Variants in IMPG2 observed in about 807,000 individuals in gnomAD.
IMPG2 encodes interphotoreceptor matrix proteoglycan 2.
IMPG2 carries 91 observed loss-of-function variants against 129.2 expected under a neutral mutation model. The ratio of observed to expected loss-of-function variants is 0.70; its 90% CI spans 0.59 to 0.84. The LOEUF is 0.84. Among genes scored for constraint, IMPG2 ranks in the 40% least tolerant of loss-of-function variants. IMPG2 has a pLI of 0.00. For missense variants in IMPG2, 1,430 were observed against 1,461.7 expected, an observed-to-expected ratio of 0.98 and a Z score of 0.35; for synonymous variants, 510 against 517.7, an observed-to-expected ratio of 0.99 and a Z score of 0.20.
Position 101,225,695 on chromosome 3 carries a change from A to C in IMPG2, c.*1274T>G, listed in dbSNP as rs1706213981. On this transcript the variant is annotated 3_prime_UTR_variant, in exon 19 of 19. Coordinates refer to ENST00000193391, the MANE Select transcript of IMPG2 (RefSeq NM_016247.4). Reference sequence around the variant, plus strand: ...AGAATTGGTTTTGGCAAGCATGAAGACATCTAGCATAAAGTATCTGCATTA... The same window carrying C: ...AGAATTGGTTTTGGCAAGCATGAAGCCATCTAGCATAAAGTATCTGCATTA... The C allele has an allele frequency of 6.6e-6, 1 of 152,218 alleles. No homozygotes were observed. Among genetic ancestry groups the C allele is most frequent in the Non-Finnish European group, 1.5e-5 (1 of 68,044 alleles). The allele number at this position is 152,218 out of a possible 1,614,324, so 9.4% of individuals were successfully genotyped here.
At chr3:101,317,939 G>A (rs1349556112) in intron 2 of IMPG2, among the ~76,000 whole-genome samples, 1 of 151,434 alleles carries the variant, frequency 6.6e-6, no homozygotes, top group African/African-American at 2.4e-5. Flanking sequence ...ATAAAGTACG[G>A]TGAGACCCCA....
chr3:101,226,561 T>C lies in IMPG2; in HGVS notation c.*408A>G. On this transcript the variant is annotated 3_prime_UTR_variant, in exon 19 of 19. Transcript: ENST00000193391. ...ACAATAACAAATATGCTCCAAAATA[T>C]TCCCTTACTAAGCCAGACTTCTCCA... 1 of 168,408 alleles carries C rather than the reference T, an allele frequency of 5.9e-6. No individual in the cohort carries two copies. The highest frequency in any genetic ancestry group is 1.3e-5 in the Non-Finnish European group (1 of 79,050). The allele number at this position is 168,408 out of a possible 1,614,324, so 10.4% of individuals were successfully genotyped here. A position where few individuals can be genotyped will look rare whatever the true frequency, so the allele number is the denominator to read the frequency against.
chr3:101,265,435 A>T (rs1156742917), intron 9 of IMPG2, among the ~76,000 whole-genome samples: 2 of 152,122 alleles, frequency 1.3e-5, no homozygotes, highest in African/African-American at 2.4e-5. Context: ...TATCAAGAAC[A>T]TATACTGCAG....
chr3:101,307,150 T>C (rs1426576880), intron 2 of IMPG2, among the ~76,000 whole-genome samples: 1 of 152,204 alleles, frequency 6.6e-6, no homozygotes, highest in Non-Finnish European at 1.5e-5. Context: ...CTGTTCACCA[T>C]CATTCATTTT....
intron 14 of IMPG2, among the ~76,000 whole-genome samples, chr3:101,234,440 G>C (rs879510502): frequency 1.3e-5 from 2 of 152,072 alleles, no homozygotes. Context: ...CTCAAGAACT[G>C]TGGGAGAATA....
At chr3:101,319,397 ACCT>A (rs1259102823) in intron 2 of IMPG2, among the ~76,000 whole-genome samples, 184 bp downstream of exon 2, 2 of 152,036 alleles carry the variant, frequency 1.3e-5, no homozygotes, top group African/African-American at 2.4e-5. Flanking sequence ...AAAAAAACAA[ACCT>A]CCTCTCTTAA....
rs191595733 is a variant in IMPG2 at position 101,226,598 on chromosome 3, C to T, written c.*371G>A. On this transcript the variant is annotated 3_prime_UTR_variant, in exon 19 of 19. Transcript: ENST00000193391. Reference sequence around the variant, plus strand: ...GCCAGACTTCTCCATGGAAGAGTCTCACCTTATTTTCCTATTGAAAAACCC... The same window carrying T: ...GCCAGACTTCTCCATGGAAGAGTCTTACCTTATTTTCCTATTGAAAAACCC... The T allele has an allele frequency of 2.9e-4, 60 of 204,716 alleles. No individual in the cohort carries two copies. Among genetic ancestry groups the T allele is most frequent in the Admixed American group, 7.6e-4 (14 of 18,386 alleles). The allele number at this position is 204,716 out of a possible 1,614,324, so 12.7% of individuals were successfully genotyped here.
chr3:101,245,498 G>C (rs906762615), intron 12 of IMPG2, among the ~76,000 whole-genome samples: 1 of 152,112 alleles, frequency 6.6e-6, no homozygotes, highest in Non-Finnish European at 1.5e-5. Context: ...TTTAAGTAAA[G>C]TGGCTCTTTA....
intron 3 of IMPG2, among the ~76,000 whole-genome samples, chr3:101,294,203 G>A (rs1415498149): frequency 1.3e-5 from 2 of 151,990 alleles, no homozygotes; most frequent in African/African-American, 4.8e-5. Flanking sequence ...TTCAAGCCCC[G>A]CATGCATTAG....
At chr3:101,227,726 G>A in intron 18 of IMPG2, 1 of 448,388 alleles carries the variant, frequency 2.2e-6, no homozygotes, top group East Asian at 7.0e-5. Flanking sequence ...GCACCTCCTA[G>A]GAGCCAAGTC....
chr3:101,306,622 T>C (rs1038325743), intron 2 of IMPG2, among the ~76,000 whole-genome samples: 4 of 152,110 alleles, frequency 2.6e-5, no homozygotes, highest in African/African-American at 4.8e-5. Flanking sequence ...TGAATGTCTA[T>C]AATGTCTGGT....
intron 10 of IMPG2, 56 bp downstream of exon 10, chr3:101,257,473 C>A: frequency 3.7e-6 from 6 of 1,601,280 alleles, no homozygotes; most frequent in Non-Finnish European, 4.3e-6. Context: ...TAGTTTACAC[C>A]AGAGCATACT....
Position 101,229,451 on chromosome 3 carries a change from C to A in IMPG2, c.3562G>T (p.Gly1188Ter). ...PQHPFYSSAS[G>*]DVIGGLSREE... ...CTGCTCAGCCCACCAATCACGTCTC[C>A]GCTAGCAGAGCTGTAGAAGGGATGC... Residue 1188 changes from glycine (G) to a stop codon, truncating the protein, a stop_gained, in exon 17 of 19, where the codon GGA (glycine) becomes TGA (stop). Transcript: ENST00000193391. LOFTEE classifies it high-confidence loss of function. The A allele has an allele frequency of 1.2e-6, 2 of 1,613,100 alleles. No homozygotes were observed.
At chr3:101,271,090 C>A (rs1576758640) in intron 7 of IMPG2, among the ~76,000 whole-genome samples, 4 of 151,542 alleles carry the variant, frequency 2.6e-5, no homozygotes, top group Middle Eastern at 3.4e-3. Flanking sequence ...TAGTAATGTG[C>A]CCTGTTTTAC....
chr3:101,272,023 G>T (rs1323053122), intron 7 of IMPG2, among the ~76,000 whole-genome samples: 1 of 151,964 alleles, frequency 6.6e-6, no homozygotes, highest in Non-Finnish European at 1.5e-5. Flanking sequence ...CCATCACACT[G>T]ACCTTTCCCT....
rs79145472 is a variant in IMPG2 at position 101,253,106 on chromosome 3, A to T, written c.1239+590T>A. On this transcript the variant is annotated intron_variant, in intron 11 of 18. Transcript: ENST00000193391. ...TTTAGAGGGGGAAGAGGAATTCCTG[A>T]TGCATCTGGGTGGTAAGAACAAAAA... Among the ~76,000 whole-genome samples, 680 of 152,162 alleles carry T rather than the reference A, an allele frequency of 4.5e-3. 10 individuals carry two copies. The highest frequency in any genetic ancestry group is 0.016 in the African/African-American group (655 of 41,528).
chr3:101,232,663 A>G, intron 15 of IMPG2, 118 bp downstream of exon 15: 1 of 812,184 alleles, frequency 1.2e-6, no homozygotes, highest in South Asian at 1.5e-5. Flanking sequence ...TCTATTGCCT[A>G]GATATAACTT....
chr3:101,315,374 T>C (rs1028727164), intron 2 of IMPG2, among the ~76,000 whole-genome samples: 3 of 152,282 alleles, frequency 2.0e-5, no homozygotes, highest in African/African-American at 7.2e-5. Flanking sequence ...TTTTGTAGAA[T>C]GTAAATTCAG....
At chr3:101,299,801 AG>A (rs1294718487) in intron 3 of IMPG2, among the ~76,000 whole-genome samples, 1 of 152,180 alleles carries the variant, frequency 6.6e-6, no homozygotes, top group Non-Finnish European at 1.5e-5. Flanking sequence ...TCTGACCTCA[AG>A]GGGCACCAAC....
Sources: gnomAD v4.1 joint callset for allele counts (sites outside exome capture counted in the v4.1 genomes callset) on GRCh38, gnomAD v4.1.1 for gene constraint, MANE v1.5 for transcripts, NCBI Gene and HGNC (gene_info 2026-07-23, HGNC 2026-07-21) for gene names.